The following PXMP4 variants were observed in gnomAD, a reference collection of about 807,000 sequenced individuals.
PXMP4 encodes peroxisomal membrane protein 4, also known as 24 kDa peroxisomal intrinsic membrane protein.
A neutral mutation model predicts 21.6 loss-of-function variants in PXMP4; 16 were observed. The observed-to-expected ratio is 0.74, with a 90% confidence interval of 0.50 to 1.13. PXMP4 has a LOEUF of 1.13. Ranked by LOEUF, PXMP4 falls within the 50% of genes most tolerant of loss-of-function variation. The pLI is 0.00. For synonymous variants in PXMP4, 127 were observed against 123.8 expected (o/e 1.03, Z -0.17); for missense variants, 240 against 277.7 (o/e 0.86, Z 0.96).
chr20:33,707,888 A>G lies in PXMP4; in HGVS notation c.457T>C (p.Trp153Arg). 1 of 1,614,116 alleles carries G rather than the reference A, an allele frequency of 6.2e-7. No homozygotes were observed. The change falls in exon 4 of 4, where the codon TGG becomes CGG. Residue 153 changes from tryptophan to arginine, a missense_variant. Physicochemically the swap from Trp to Arg is moderately radical, Grantham distance 101 (BLOSUM62 -3). Coordinates refer to ENST00000409299, the MANE Select transcript of PXMP4 (RefSeq NM_007238.5). ...VEKGYIPEPR[W>R]DPFPLLTAVV... ...GCAGTGAGCAGCGGGAACGGGTCCCACCTGGGTTCAGGGATGTAGCCCTTC... is the reference window on the plus strand; with the variant it reads ...GCAGTGAGCAGCGGGAACGGGTCCCGCCTGGGTTCAGGGATGTAGCCCTTC...
intron 2 of PXMP4, 124 bp downstream of exon 2, chr20:33,714,550 C>T (rs1430933451): frequency 9.9e-7 from 1 of 1,009,512 alleles, no homozygotes; most frequent in Non-Finnish European, 1.5e-6. Flanking sequence ...CAAAACACAA[C>T]AAAAAAAGAG....
intron 2 of PXMP4, 76 bp from the exon 3 acceptor site, chr20:33,710,829 T>A: frequency 7.2e-7 from 1 of 1,387,618 alleles, no homozygotes; most frequent in Admixed American, 2.7e-5. Flanking sequence ...TGGGCATGCC[T>A]AACAACCAGC....
chr20:33,712,377 G>C lies in PXMP4; in HGVS notation c.177-1624C>G, dbSNP rs758825434. 3.1e-4 allele frequency among the ~76,000 whole-genome samples: 47 copies of C among 152,128 alleles called. 1 individual carries two copies. The highest frequency in any genetic ancestry group is 5.9e-5 in the Non-Finnish European group (4 of 68,016). On this transcript the variant is annotated intron_variant, in intron 2 of 3. Coordinates refer to ENST00000409299, the MANE Select transcript of PXMP4 (RefSeq NM_007238.5). The stretch of plus-strand genomic sequence containing the variant: ...GCATCACTGCCACAGCCTCTTGGAG[G>C]GAACCTGCTTCTGCCCTTGGGTGGC...
chr20:33,711,677 A>G, intron 2 of PXMP4, among the ~76,000 whole-genome samples: 1 of 151,404 alleles, frequency 6.6e-6, no homozygotes, highest in Admixed American at 6.6e-5. Flanking sequence ...GACGACAGAG[A>G]CTCTACCTTA....
chr20:33,708,722 G>GC (rs146852531), intron 3 of PXMP4, among the ~76,000 whole-genome samples: 5,032 of 150,448 alleles, frequency 0.033, 313 homozygotes, highest in African/African-American at 0.12. Context: ...ACAGAGTCTT[G>GC]CTCTGTCACC....
Position 33,720,183 on chromosome 20 carries a change from C to G in PXMP4, c.25G>C (p.Ala9Pro), listed in dbSNP as rs530980590. The change falls in exon 1 of 4, where the codon GCT becomes CCT. Residue 9 changes from alanine to proline, a missense_variant. Coordinates refer to ENST00000409299, the MANE Select transcript of PXMP4 (RefSeq NM_007238.5). ...AGTGCGTTGACGACTACGAGCAGAG[C>G]CCTTAGCTGCGGCGGGGCTGCCATA... The part of the protein sequence containing the change: MAAPPQLR[A>P]LLVVVNALLR... The G allele has an allele frequency of 4.3e-6, 7 of 1,612,606 alleles. No homozygotes were observed. Among genetic ancestry groups the G allele is most frequent in the Non-Finnish European group, 5.1e-6 (6 of 1,179,588 alleles).
chr20:33,703,785 G>A lies in PXMP4; in HGVS notation c.*3921C>T, dbSNP rs1042749139. The stretch of plus-strand genomic sequence containing the variant: ...ATTGGTTGAAGGTTGCTCCAAGGAT[G>A]TGTTCATTCTCCAGCCCTTCAGGCC... On this transcript the variant is annotated 3_prime_UTR_variant, in exon 4 of 4. Coordinates refer to ENST00000409299, the MANE Select transcript of PXMP4 (RefSeq NM_007238.5). The A allele has an allele frequency of 6.6e-6, 1 of 152,346 alleles. No individual in the cohort carries two copies. Among genetic ancestry groups the A allele is most frequent in the African/African-American group, 2.4e-5 (1 of 41,464 alleles). 9.4% of individuals were successfully genotyped at this position (152,346 alleles called of 1,614,324 possible). A position where few individuals can be genotyped will look rare whatever the true frequency, so the allele number is the denominator to read the frequency against.
chr20:33,711,398 G>A (rs76194551), intron 2 of PXMP4, among the ~76,000 whole-genome samples: 10,279 of 152,214 alleles, frequency 0.068, 503 homozygotes, highest in Middle Eastern at 0.15. Context: ...TGCCACGCCC[G>A]GAGGAGGGTC....
intron 1 of PXMP4, among the ~76,000 whole-genome samples, chr20:33,717,660 T>TAAA (rs2018398410): frequency 7.1e-4 from 77 of 108,898 alleles, no homozygotes; most frequent in African/African-American, 2.8e-3. Context: ...AAAAAAAAAT[T>TAAA]ATTAAATATT....
intron 1 of PXMP4, 56 bp from the exon 2 acceptor site, chr20:33,714,792 T>C (rs2122589701): frequency 6.4e-7 from 1 of 1,563,820 alleles, no homozygotes; most frequent in East Asian, 2.2e-5. Flanking sequence ...ACTTTCTTTT[T>C]GGGCTGTCCT....
rs1451938133 is a variant in PXMP4, at chr20:33,703,387, T to TA, written c.*4318dup. On this transcript the variant is annotated 3_prime_UTR_variant, in exon 4 of 4. Coordinates refer to ENST00000409299, the MANE Select transcript of PXMP4 (RefSeq NM_007238.5). The stretch of plus-strand genomic sequence containing the variant: ...AACGCCTACTTTATCAATGAGGAAA[T>TA]AGAGGCACAGAATGGCTCAGTCACT... 6.6e-6 allele frequency: 1 copy of TA among 152,248 alleles called. No homozygotes were observed. Among genetic ancestry groups the TA allele is most frequent in the Non-Finnish European group, 1.5e-5 (1 of 68,052 alleles). 9.4% of individuals were successfully genotyped at this position (152,248 alleles called of 1,614,324 possible). A position where few individuals can be genotyped will look rare whatever the true frequency, so the allele number is the denominator to read the frequency against.
intron 1 of PXMP4, among the ~76,000 whole-genome samples, chr20:33,717,154 G>A (rs2018391994): frequency 6.6e-6 from 1 of 151,884 alleles, no homozygotes; most frequent in Non-Finnish European, 1.5e-5. Flanking sequence ...CTCCAGCCTG[G>A]GCAGCAGACT....
chr20:33,714,528 C>G (rs2018363724), intron 2 of PXMP4, 146 bp downstream of exon 2: 5 of 882,230 alleles, frequency 5.7e-6, no homozygotes, highest in Non-Finnish European at 9.1e-6. Context: ...ACAACAACAA[C>G]AACAACAACA....
At chr20:33,719,606 C>A (rs1478686240) in intron 1 of PXMP4, among the ~76,000 whole-genome samples, 1 of 152,186 alleles carries the variant, frequency 6.6e-6, no homozygotes, top group Non-Finnish European at 1.5e-5. Context: ...GTCCCAGGAG[C>A]CCCCTGAGCC....
chr20:33,711,806 A>G (rs1466169553), intron 2 of PXMP4, among the ~76,000 whole-genome samples: 1 of 152,090 alleles, frequency 6.6e-6, no homozygotes, highest in Non-Finnish European at 1.5e-5. Flanking sequence ...AGCCTGGGCA[A>G]CATAATGAGA....
Position 33,706,304 on chromosome 20 carries a change from T to G in PXMP4, c.*1402A>C, listed in dbSNP as rs1302069397. The G allele has an allele frequency of 6.6e-6, 1 of 151,668 alleles. No individual in the cohort carries two copies. Among genetic ancestry groups the G allele is most frequent in the East Asian group, 2.0e-4 (1 of 5,114 alleles). The allele number at this position is 151,668 out of a possible 1,614,324, so 9.4% of individuals were successfully genotyped here. The stretch of plus-strand genomic sequence containing the variant: ...GCCACTGTATGGTTTAAAAATAATA[T>G]GTGCAGGCTAGGGGCAGTGGCTCAT... On this transcript the variant is annotated 3_prime_UTR_variant, in exon 4 of 4. Coordinates refer to ENST00000409299, the MANE Select transcript of PXMP4 (RefSeq NM_007238.5).
chr20:33,707,574 T>A lies in PXMP4; in HGVS notation c.*132A>T. 7.6e-7 allele frequency: 1 copy of A among 1,312,722 alleles called. No individual in the cohort carries two copies. The highest frequency in any genetic ancestry group is 1.5e-5 in the African/African-American group (1 of 67,612). The allele number at this position is 1,312,722 out of a possible 1,614,324, so 81.3% of individuals were successfully genotyped here. A position where few individuals can be genotyped will look rare whatever the true frequency, so the allele number is the denominator to read the frequency against. ...ACTGGGATTTTAAAATCAGTGTTTT[T>A]ACTTCAGCAAACGGAACCCTGGGAT... On this transcript the variant is annotated 3_prime_UTR_variant, in exon 4 of 4. Coordinates refer to ENST00000409299, the MANE Select transcript of PXMP4 (RefSeq NM_007238.5).
chr20:33,710,647 T>C lies in PXMP4; in HGVS notation c.283A>G (p.Ile95Val). The change falls in exon 3 of 4, where the codon ATA (isoleucine) becomes GTA (valine). Residue 95 changes from isoleucine to valine, a missense_variant. Transcript: ENST00000409299. ...TGTGCTGGGTAGGTCTTGCCTTGTA[T>C]GTAGGACTGCAGGGCACGGAGACCC... ...YKGLRALQSY[I>V]QGKTYPAHAF... 7.4e-6 allele frequency: 12 copies of C among 1,613,946 alleles called. No individual in the cohort carries two copies. The highest frequency in any genetic ancestry group is 2.2e-5 in the East Asian group (1 of 44,874).
At position 33,703,001 on chromosome 20, in the gene PXMP4, TC is replaced by T. The variant is rs1423866037; in HGVS notation, c.*4704del. On this transcript the variant is annotated 3_prime_UTR_variant, in exon 4 of 4. Coordinates refer to ENST00000409299, the MANE Select transcript of PXMP4 (RefSeq NM_007238.5). ...GATCTGCTGGAAGGCAGAGCCCTGC[TC>T]CCCGGCACAGACCACACTGCCTTCC... The T allele has an allele frequency of 6.6e-6, 1 of 152,172 alleles. No homozygotes were observed. Among genetic ancestry groups the T allele is most frequent in the African/African-American group, 2.4e-5 (1 of 41,418 alleles). 9.4% of individuals were successfully genotyped at this position (152,172 alleles called of 1,614,324 possible). A position where few individuals can be genotyped will look rare whatever the true frequency, so the allele number is the denominator to read the frequency against.
Sources: allele counts gnomAD v4.1 joint callset (sites outside exome capture counted in the v4.1 genomes callset), GRCh38; gene constraint gnomAD v4.1.1; transcripts MANE v1.5; gene names NCBI Gene and HGNC (gene_info 2026-07-23, HGNC 2026-07-21).